VANGL2: variants seen among roughly 807,000 people sequenced by gnomAD.
VANGL2 encodes the protein vang-like protein 2.
VANGL2 carries 14 observed loss-of-function variants against 50.2 expected under a neutral mutation model. The observed-to-expected ratio is 0.28, with a 90% CI of 0.18 to 0.44. The LOEUF (loss-of-function observed/expected upper bound fraction) is 0.44, where lower values mean the gene tolerates loss of function less well. Among genes scored for constraint, VANGL2 ranks in the 20% least tolerant of loss-of-function variants. The pLI, the probability that VANGL2 is intolerant of heterozygous loss-of-function variation, is 1.00. For synonymous variants in VANGL2, 295 were observed against 297.2 expected, an observed-to-expected ratio of 0.99 and a Z score of 0.08; for missense variants, 533 against 701.5, an observed-to-expected ratio of 0.76 and a Z score of 2.71.
At chr1:160,423,117 G>C (rs1243645635) in intron 6 of VANGL2, among the ~76,000 whole-genome samples, 1 of 152,140 alleles carries the variant, frequency 6.6e-6, no homozygotes, top group Non-Finnish European at 1.5e-5. Flanking sequence ...TGTTGGCCAG[G>C]CTGGTCTTGA....
intron 6 of VANGL2, among the ~76,000 whole-genome samples, chr1:160,422,493 G>A (rs1219068688): frequency 6.6e-6 from 1 of 151,420 alleles, no homozygotes; most frequent in African/African-American, 2.4e-5. Context: ...AGAGAATAAA[G>A]GAAGAAATGA....
rs1651539385 is a variant in VANGL2 at position 160,428,211 on chromosome 1, C to A, written c.*2833C>A. 2 of 152,738 alleles carry A rather than the reference C, an allele frequency of 1.3e-5. No homozygotes were observed. Among genetic ancestry groups the A allele is most frequent in the South Asian group, 4.1e-4 (2 of 4,822 alleles). 9.5% of individuals were successfully genotyped at this position (152,738 alleles called of 1,614,324 possible). The stretch of plus-strand genomic sequence containing the variant: ...CTTTCTCATCTGACACGTCTTTTTC[C>A]CAGGGTTCGTACTTCTCCTCCATTG... On this transcript the variant is annotated 3_prime_UTR_variant, in exon 8 of 8. Coordinates refer to ENST00000368061, the MANE Select transcript of VANGL2 (RefSeq NM_020335.3).
chr1:160,412,327 A>T (rs1028811697), intron 1 of VANGL2, among the ~76,000 whole-genome samples: 3 of 151,934 alleles, frequency 2.0e-5, no homozygotes, highest in South Asian at 2.1e-4. Flanking sequence ...AGTCCGTGGC[A>T]GTTGTTTACT....
intron 1 of VANGL2, among the ~76,000 whole-genome samples, chr1:160,403,024 C>T (rs994043056): frequency 1.3e-5 from 2 of 152,012 alleles, no homozygotes; most frequent in African/African-American, 4.8e-5. Flanking sequence ...TTGGAATGTT[C>T]CCTCTTTAGT....
chr1:160,410,720 C>A (rs1273611855), intron 1 of VANGL2, among the ~76,000 whole-genome samples: 2 of 151,680 alleles, frequency 1.3e-5, no homozygotes, highest in Non-Finnish European at 2.9e-5. Flanking sequence ...ACGCACTACT[C>A]TAGGGCCCTG....
rs752425713 is a variant in VANGL2, at chr1:160,420,471, C to G, written c.861C>G (p.Asn287Lys). Residue 287 changes from asparagine to lysine, a missense_variant, in exon 5 of 8, where the codon AAC becomes AAG. Coordinates refer to ENST00000368061, the MANE Select transcript of VANGL2 (RefSeq NM_020335.3). ...EKYYHDFPVYNPALLNLPKSV... is the reference protein window; with the variant it reads ...EKYYHDFPVYKPALLNLPKSV... ...ATTACCATGACTTCCCTGTCTACAA[C>G]CCTGCCCTCCTCAACCTGCCCAAGT... 4.3e-6 allele frequency: 7 copies of G among 1,613,932 alleles called. No individual in the cohort carries two copies. The African/African-American group carries it at 8.0e-5, about 18-fold the overall frequency.
intron 1 of VANGL2, among the ~76,000 whole-genome samples, chr1:160,401,385 G>A (rs1410337512): frequency 1.3e-5 from 2 of 152,134 alleles, no homozygotes; most frequent in Non-Finnish European, 2.9e-5. Flanking sequence ...AGAGTAGATA[G>A]GGTGTATGTA....
rs1328256163 is a variant in VANGL2, at chr1:160,427,236, A to G, written c.*1858A>G. ...CCCTTCTGAGTCACATAAATACCTC[A>G]CTATCCTGGAAAACAGGGCCTGGAT... is the stretch of plus-strand genomic sequence containing the variant. On this transcript the variant is annotated 3_prime_UTR_variant, in exon 8 of 8. Coordinates refer to ENST00000368061, the MANE Select transcript of VANGL2 (RefSeq NM_020335.3). The G allele has an allele frequency of 6.6e-6, 1 of 152,482 alleles. No homozygotes were observed. The highest frequency in any genetic ancestry group is 1.5e-5 in the Non-Finnish European group (1 of 68,076). 9.4% of individuals were successfully genotyped at this position (152,482 alleles called of 1,614,324 possible). A position where few individuals can be genotyped will look rare whatever the true frequency, so the allele number is the denominator to read the frequency against.
Position 160,421,642 on chromosome 1 carries a change from GC to G in VANGL2, c.1073+458del, listed in dbSNP as rs549120577. On this transcript the variant is annotated intron_variant, in intron 6 of 7. Transcript: ENST00000368061. ...TAAAGAGCTCATGTGATGAGATCAGGCCCTAAAGGACAGTCTTCTTTTAAGG... is the reference window on the plus strand; with the variant it reads ...TAAAGAGCTCATGTGATGAGATCAGGCCTAAAGGACAGTCTTCTTTTAAGG... Among the ~76,000 whole-genome samples the G allele has an allele frequency of 4.4e-4, 67 of 152,278 alleles. No individual in the cohort carries two copies. In the East Asian group the frequency reaches 0.012, roughly 28 times the overall value.
Position 160,419,917 on chromosome 1 carries a change from CAG to C in VANGL2, c.800+309_800+310del, listed in dbSNP as rs1429591835. 6.6e-6 allele frequency among the ~76,000 whole-genome samples: 1 copy of C among 151,940 alleles called. No homozygotes were observed. Among genetic ancestry groups the C allele is most frequent in the Non-Finnish European group, 1.5e-5 (1 of 67,968 alleles). ...GAAGAAATATGGGGGGGTGCACAAACAGGGGCTTTTTGGAATCCCTTTTCTAG... is the reference window on the plus strand; with the variant it reads ...GAAGAAATATGGGGGGGTGCACAAACGGGCTTTTTGGAATCCCTTTTCTAG... On this transcript the variant is annotated intron_variant, in intron 4 of 7. Coordinates refer to ENST00000368061, the MANE Select transcript of VANGL2 (RefSeq NM_020335.3). The surrounding 1 kb of genome is among the most constrained non-coding windows in gnomAD (Gnocchi z 5.8).
intron 3 of VANGL2, among the ~76,000 whole-genome samples, 170 bp downstream of exon 3, chr1:160,416,352 C>A (rs1321389850): frequency 3.3e-5 from 5 of 152,114 alleles, no homozygotes; most frequent in Non-Finnish European, 5.9e-5. Flanking sequence ...TAAGGTAGGA[C>A]CTTCAGGAAT....
chr1:160,417,908 A>ATTTTTTT (rs4017836), intron 3 of VANGL2, among the ~76,000 whole-genome samples: 1 of 130,158 alleles, frequency 7.7e-6, no homozygotes, highest in Non-Finnish European at 1.6e-5. Flanking sequence ...GACTTCCATA[A>ATTTTTTT]TTTTTTTTTT....
chr1:160,413,466 C>T (rs2101957555), intron 1 of VANGL2, among the ~76,000 whole-genome samples: 1 of 152,064 alleles, frequency 6.6e-6, no homozygotes, highest in Admixed American at 6.5e-5. Context: ...GTTTCATCAT[C>T]TTGGCCAGGC....
chr1:160,418,976 T>G, intron 3 of VANGL2, 26 bp from the exon 4 acceptor site: 1 of 1,593,842 alleles, frequency 6.3e-7, no homozygotes, highest in East Asian at 2.2e-5. Context: ...CTCCTTATTG[T>G]GTGGCTGGCC....
Position 160,424,281 on chromosome 1 carries a change from A to G in VANGL2, c.1303A>G (p.Lys435Glu). The stretch of plus-strand genomic sequence containing the variant: ...CTGCATCACGCATGACATGACGCCC[A>G]AGGTAGGCCTGCCCTGCTGCCAGCA... ...EFCITHDMTP[K>E]AFLERYLAAG... Residue 435 changes from lysine to glutamate, a missense_variant and splice_region_variant, in exon 7 of 8, where the codon AAG becomes GAG. Lys to Glu is a moderately conservative substitution (Grantham distance 56). Transcript: ENST00000368061. The G allele has an allele frequency of 6.2e-7, 1 of 1,614,014 alleles. No individual in the cohort carries two copies. The highest frequency in any genetic ancestry group is 8.5e-7 in the Non-Finnish European group (1 of 1,179,920).
At chr1:160,422,793 G>C (rs1423416771) in intron 6 of VANGL2, among the ~76,000 whole-genome samples, 2 of 152,064 alleles carry the variant, frequency 1.3e-5, no homozygotes, top group African/African-American at 4.8e-5. Context: ...CCACATTTTA[G>C]GCATCCTGTT....
chr1:160,418,973 T>C, intron 3 of VANGL2, 29 bp from the exon 4 acceptor site: 2 of 1,592,812 alleles, frequency 1.3e-6, no homozygotes. Flanking sequence ...TTCCTCCTTA[T>C]TGTGTGGCTG....
intron 1 of VANGL2, among the ~76,000 whole-genome samples, chr1:160,402,603 C>T (rs946644384): frequency 3.9e-5 from 6 of 152,072 alleles, no homozygotes; most frequent in Admixed American, 3.3e-4. Flanking sequence ...TTTCCCTTTT[C>T]CCTGGTGTCA....
At chr1:160,409,918 G>GA (rs1221362361) in intron 1 of VANGL2, among the ~76,000 whole-genome samples, 2 of 152,186 alleles carry the variant, frequency 1.3e-5, no homozygotes, top group African/African-American at 4.8e-5. Context: ...GATGATTAGG[G>GA]AGCCAGGCAG....
Sources: allele counts gnomAD v4.1 joint callset (sites outside exome capture counted in the v4.1 genomes callset), GRCh38; gene constraint gnomAD v4.1.1; non-coding constraint Gnocchi (gnomAD v3.1); transcripts MANE v1.5; gene names NCBI Gene and HGNC (gene_info 2026-07-23, HGNC 2026-07-21).